AGBL4: variants seen among roughly 807,000 people sequenced by gnomAD.
AGBL4 encodes AGBL carboxypeptidase 4, also known as cytosolic carboxypeptidase 6.
A neutral mutation model predicts 66.4 loss-of-function variants in AGBL4; 58 were observed. The ratio of observed to expected loss-of-function variants is 0.87; its 90% CI spans 0.71 to 1.09. The LOEUF (loss-of-function observed/expected upper bound fraction) is 1.09. Among genes scored for constraint, AGBL4 ranks in the 50% least tolerant of loss-of-function variants. AGBL4 has a pLI of 0.00. For missense variants in AGBL4, 579 were observed against 631.0 expected, an observed-to-expected ratio of 0.92 and a Z score of 0.88; for synonymous variants, 234 against 222.9, an observed-to-expected ratio of 1.05 and a Z score of -0.44.
intron 3 of AGBL4, among the ~76,000 whole-genome samples, chr1:49,303,668 G>A (rs895265517): frequency 5.3e-5 from 8 of 151,774 alleles, no homozygotes; most frequent in Non-Finnish European, 7.4e-5. Context: ...TAGAGACAGA[G>A]TTTCACCACG....
chr1:49,893,456 A>G (rs1226933780), intron 1 of AGBL4, among the ~76,000 whole-genome samples: 1 of 152,194 alleles, frequency 6.6e-6, no homozygotes, highest in African/African-American at 2.4e-5. Context: ...CTTGGATGGC[A>G]TTTCTGGACC....
At chr1:49,231,315 AG>A (rs750217247) in intron 4 of AGBL4, among the ~76,000 whole-genome samples, 5 of 152,174 alleles carry the variant, frequency 3.3e-5, no homozygotes, top group Non-Finnish European at 7.3e-5. Context: ...CTAGGGAAGG[AG>A]TTTGTCTTCT....
intron 5 of AGBL4, among the ~76,000 whole-genome samples, chr1:49,025,923 A>C (rs190916811): frequency 6.6e-6 from 1 of 152,290 alleles, no homozygotes; most frequent in Admixed American, 6.5e-5. Context: ...TGCTCAGAGA[A>C]TGGGAGTTTT....
At chr1:49,205,959 T>G (rs1298442034) in intron 4 of AGBL4, among the ~76,000 whole-genome samples, 1 of 152,086 alleles carries the variant, frequency 6.6e-6, no homozygotes, top group African/African-American at 2.4e-5. Flanking sequence ...GATTTAGCCA[T>G]GGAGCAAAGC....
chr1:50,005,365 C>T (rs1661050693), intron 1 of AGBL4, among the ~76,000 whole-genome samples: 1 of 152,132 alleles, frequency 6.6e-6, no homozygotes, highest in Admixed American at 6.5e-5. Context: ...GAAAATTCTT[C>T]CAGATTTTAT....
chr1:49,532,864 G>T (rs2148815551), intron 3 of AGBL4, among the ~76,000 whole-genome samples: 1 of 151,104 alleles, frequency 6.6e-6, no homozygotes, highest in South Asian at 2.1e-4. Context: ...CATTTTGCAT[G>T]GGCACAGTGT....
chr1:49,316,436 T>C (rs1197119888), intron 3 of AGBL4, among the ~76,000 whole-genome samples: 3 of 151,628 alleles, frequency 2.0e-5, no homozygotes, highest in African/African-American at 7.3e-5. Flanking sequence ...GAAAAGTCTA[T>C]TAGAAAAAAA....
chr1:49,359,139 G>T (rs1173380346), intron 3 of AGBL4, among the ~76,000 whole-genome samples: 1 of 152,166 alleles, frequency 6.6e-6, no homozygotes, highest in Admixed American at 6.5e-5. Context: ...GCACAAAATA[G>T]CTTTAGCATG....
intron 1 of AGBL4, among the ~76,000 whole-genome samples, chr1:49,861,398 A>T (rs1409993495): frequency 6.6e-6 from 1 of 151,840 alleles, no homozygotes; most frequent in East Asian, 1.9e-4. Context: ...AGGAAAGAAA[A>T]GAGTAGTGAG....
chr1:48,726,109 A>AT lies in AGBL4; in HGVS notation c.635-62869dup, dbSNP rs1450073854. 2.0e-5 allele frequency among the ~76,000 whole-genome samples: 3 copies of AT among 152,218 alleles called. No individual in the cohort carries two copies. The South Asian group carries it at 6.2e-4, about 32-fold the overall frequency. The stretch of plus-strand genomic sequence containing the variant: ...AATCCAGGATTTAAACCCAGATCCC[A>AT]TAATCATTAACTGCCCTGTTCTCTT... On this transcript the variant is annotated intron_variant, in intron 6 of 13. Coordinates refer to ENST00000371839, the MANE Select transcript of AGBL4 (RefSeq NM_032785.4).
At chr1:49,858,206 T>TA (rs1646480928) in intron 1 of AGBL4, among the ~76,000 whole-genome samples, 1 of 151,818 alleles carries the variant, frequency 6.6e-6, no homozygotes, top group East Asian at 1.9e-4. Context: ...ATGAAAAGGA[T>TA]AAAAAATAGC....
intron 3 of AGBL4, among the ~76,000 whole-genome samples, chr1:49,563,783 G>C (rs991669258): frequency 2.0e-5 from 3 of 151,978 alleles, no homozygotes; most frequent in African/African-American, 7.2e-5. Context: ...TTTTTGTTGT[G>C]TCTTTGCCCG....
At chr1:48,801,378 T>C (rs1645802116) in intron 6 of AGBL4, among the ~76,000 whole-genome samples, 1 of 152,166 alleles carries the variant, frequency 6.6e-6, no homozygotes, top group African/African-American at 2.4e-5. Flanking sequence ...AAAATTTATG[T>C]TCAGTCGAAA....
chr1:48,688,917 A>G (rs183567501), intron 6 of AGBL4, among the ~76,000 whole-genome samples: 6 of 152,110 alleles, frequency 3.9e-5, no homozygotes, highest in African/African-American at 1.4e-4. Flanking sequence ...TCAGGATGAA[A>G]GTTTCTACTT....
intron 3 of AGBL4, among the ~76,000 whole-genome samples, chr1:49,261,263 C>G (rs967137688): frequency 6.6e-6 from 1 of 151,818 alleles, no homozygotes; most frequent in Non-Finnish European, 1.5e-5. Flanking sequence ...CAGGGATGCC[C>G]TCTCTCACCA....
chr1:48,731,886 G>A (rs1648197402), intron 6 of AGBL4, among the ~76,000 whole-genome samples: 1 of 152,146 alleles, frequency 6.6e-6, no homozygotes, highest in Non-Finnish European at 1.5e-5. Context: ...TGGTGGTCAA[G>A]GGATATCTGG....
intron 2 of AGBL4, among the ~76,000 whole-genome samples, chr1:49,792,020 A>G (rs1240344760): frequency 6.6e-6 from 1 of 152,092 alleles, no homozygotes; most frequent in East Asian, 1.9e-4. Flanking sequence ...AAATTACCCC[A>G]GTAAATTTTC....
intron 2 of AGBL4, among the ~76,000 whole-genome samples, chr1:49,818,338 T>C (rs1645282568): frequency 6.6e-6 from 1 of 150,724 alleles, no homozygotes; most frequent in Non-Finnish European, 1.5e-5. Flanking sequence ...TTTTTTTTAG[T>C]TTCTTGCTTT....
At chr1:49,215,114 G>A (rs1288740443) in intron 4 of AGBL4, among the ~76,000 whole-genome samples, 2 of 151,998 alleles carry the variant, frequency 1.3e-5, no homozygotes, top group Non-Finnish European at 2.9e-5. Context: ...TCTCAGGAGA[G>A]CCACAAGGAA....
Sources: gnomAD v4.1 joint callset for allele counts (sites outside exome capture counted in the v4.1 genomes callset) on GRCh38, gnomAD v4.1.1 for gene constraint, MANE v1.5 for transcripts, NCBI Gene and HGNC (gene_info 2026-07-23, HGNC 2026-07-21) for gene names.